Variants in NR6A1 observed in about 807,000 individuals in gnomAD.
NR6A1 encodes retinoic acid receptor-related testis-associated receptor.
Under a neutral mutation model 59.1 loss-of-function variants are expected in NR6A1, and 7 were observed. The observed-to-expected ratio is 0.12, with a 90% CI of 0.07 to 0.22. The LOEUF (loss-of-function observed/expected upper bound fraction) is 0.22. Ranked by LOEUF, NR6A1 falls within the 10% of genes least tolerant of loss-of-function variation. NR6A1 has a pLI of 1.00. For missense variants in NR6A1, 468 were observed against 611.6 expected (o/e 0.77, Z 2.48); for synonymous variants, 243 against 236.1 (o/e 1.03, Z -0.27).
At chr9:124,553,952 G>T (rs1363576029) in intron 3 of NR6A1, among the ~76,000 whole-genome samples, 1 of 152,008 alleles carries the variant, frequency 6.6e-6, no homozygotes, top group South Asian at 2.1e-4. Flanking sequence ...AGTACACCGT[G>T]GTTCTAGCAA....
At chr9:124,759,244 G>A (rs776637931) in intron 1 of NR6A1, among the ~76,000 whole-genome samples, 2 of 152,154 alleles carry the variant, frequency 1.3e-5, no homozygotes, top group African/African-American at 2.4e-5. Context: ...AAAGGTACAT[G>A]GGACAAAGGC....
chr9:124,569,414 C>T (rs149049211), intron 2 of NR6A1, among the ~76,000 whole-genome samples: 3 of 152,172 alleles, frequency 2.0e-5, no homozygotes, highest in South Asian at 2.1e-4. Flanking sequence ...GCTCAGGTTA[C>T]GCAAATTACA....
intron 2 of NR6A1, among the ~76,000 whole-genome samples, chr9:124,706,146 T>C (rs2131060234): frequency 6.6e-6 from 1 of 152,310 alleles, no homozygotes; most frequent in South Asian, 2.1e-4. Context: ...ACAACATGCA[T>C]CTTTACTTAT....
At chr9:124,579,727 A>G (rs148933913) in intron 2 of NR6A1, among the ~76,000 whole-genome samples, 30 of 152,286 alleles carry the variant, frequency 2.0e-4, no homozygotes, top group African/African-American at 6.5e-4. Flanking sequence ...AAAATTAAAC[A>G]TAGCCGGGCA....
chr9:124,571,431 C>T (rs1463252089), intron 2 of NR6A1, among the ~76,000 whole-genome samples: 2 of 152,184 alleles, frequency 1.3e-5, no homozygotes, highest in African/African-American at 2.4e-5. Flanking sequence ...TTCTGGCTGT[C>T]TGCTCAGCCC....
At chr9:124,744,526 G>C (rs1379481509) in intron 1 of NR6A1, among the ~76,000 whole-genome samples, 1 of 152,184 alleles carries the variant, frequency 6.6e-6, no homozygotes. Context: ...CCTTTGCGCA[G>C]TGCATGTTCT....
intron 2 of NR6A1, among the ~76,000 whole-genome samples, chr9:124,678,294 T>C (rs1373775099): frequency 6.6e-6 from 1 of 152,194 alleles, no homozygotes; most frequent in Non-Finnish European, 1.5e-5. Flanking sequence ...AGAACCCTAA[T>C]CACCACTTTC....
At chr9:124,614,143 G>A (rs923646468) in intron 2 of NR6A1, among the ~76,000 whole-genome samples, 3 of 152,166 alleles carry the variant, frequency 2.0e-5, no homozygotes, top group African/African-American at 7.2e-5. Flanking sequence ...GGGAGTCCAG[G>A]AGGCAGGGCA....
chr9:124,524,889 A>C lies in NR6A1; in HGVS notation c.1202-16T>G. 1 of 1,593,102 alleles carries C rather than the reference A, an allele frequency of 6.3e-7. No homozygotes were observed. Among genetic ancestry groups the C allele is most frequent in the Non-Finnish European group, 8.5e-7 (1 of 1,174,174 alleles). On this transcript the variant is annotated splice_polypyrimidine_tract_variant and intron_variant, in intron 8 of 9. Coordinates refer to ENST00000487099, the MANE Select transcript of NR6A1 (RefSeq NM_033334.4). ...CCCCTGATATCTGTGGAAAAAAAAA[A>C]AACACACACACACATACAGGGAATG...
intron 2 of NR6A1, among the ~76,000 whole-genome samples, chr9:124,702,979 C>T (rs909813237): frequency 6.6e-6 from 1 of 151,668 alleles, no homozygotes; most frequent in Admixed American, 6.6e-5. Context: ...CAGTTCACTG[C>T]ACTCCACCTC....
chr9:124,575,642 T>A (rs1834567880), intron 2 of NR6A1, among the ~76,000 whole-genome samples: 1 of 152,218 alleles, frequency 6.6e-6, no homozygotes, highest in Non-Finnish European at 1.5e-5. Context: ...TTGCTTAATC[T>A]ACATGTCTTA....
chr9:124,533,076 C>T lies in NR6A1; in HGVS notation c.1079+2802G>A, dbSNP rs1175698784. Among the ~76,000 whole-genome samples, 3 of 152,318 alleles carry T rather than the reference C, an allele frequency of 2.0e-5. No individual in the cohort carries two copies. The East Asian group carries it at 5.8e-4, about 29-fold the overall frequency. ...CCAGAGAACCCTGTACTGCCAGTGACCCCTGCCTGCCTGCAGAGGGCCTGG... is the reference window on the plus strand; with the variant it reads ...CCAGAGAACCCTGTACTGCCAGTGATCCCTGCCTGCCTGCAGAGGGCCTGG... On this transcript the variant is annotated intron_variant, in intron 7 of 9. Transcript: ENST00000487099.
intron 2 of NR6A1, among the ~76,000 whole-genome samples, chr9:124,649,929 A>G (rs1837048985): frequency 6.6e-6 from 1 of 152,190 alleles, no homozygotes; most frequent in Admixed American, 6.5e-5. Flanking sequence ...TGGCTATTAT[A>G]AAAAAGACTG....
At chr9:124,544,184 A>G (rs191942670) in intron 3 of NR6A1, among the ~76,000 whole-genome samples, 10 of 152,382 alleles carry the variant, frequency 6.6e-5, no homozygotes, top group African/African-American at 2.2e-4. Context: ...AGGTTTTGAC[A>G]AATTCTAGGG....
At chr9:124,566,838 G>A (rs1380185961) in intron 2 of NR6A1, among the ~76,000 whole-genome samples, 3 of 152,214 alleles carry the variant, frequency 2.0e-5, no homozygotes, top group African/African-American at 4.8e-5. Flanking sequence ...GCCGGGCGCG[G>A]TGGCTCACGC....
chr9:124,612,818 T>TTTCTTTC lies in NR6A1; in HGVS notation c.143-58249_143-58248insGAAAGAA, dbSNP rs541907107. Among the ~76,000 whole-genome samples, 64 of 139,802 alleles carry TTTCTTTC rather than the reference T, an allele frequency of 4.6e-4. 1 individual carries two copies. The South Asian group carries it at 0.013, about 29-fold the overall frequency. 91.7% of individuals were successfully genotyped at this position (139,802 alleles called of 152,430 possible). ...TTTTCTTTCTTTCTTTCTTTCTTTC[T>TTTCTTTC]TTTCTTTCTTTCTTTCACATCTTCC... On this transcript the variant is annotated intron_variant, in intron 2 of 9. Transcript: ENST00000487099.
At chr9:124,563,551 A>G (rs1834141257) in intron 2 of NR6A1, among the ~76,000 whole-genome samples, 1 of 152,238 alleles carries the variant, frequency 6.6e-6, no homozygotes, top group Admixed American at 6.5e-5. Context: ...GAAATGATAC[A>G]GTACAAGATG....
At chr9:124,686,915 G>A (rs1838350419) in intron 2 of NR6A1, among the ~76,000 whole-genome samples, 1 of 151,976 alleles carries the variant, frequency 6.6e-6, no homozygotes, top group African/African-American at 2.4e-5. Context: ...TGTTGCCCAG[G>A]CTGGTCTTGA....
chr9:124,611,211 G>A (rs1835733260), intron 2 of NR6A1, among the ~76,000 whole-genome samples: 1 of 151,356 alleles, frequency 6.6e-6, no homozygotes, highest in Admixed American at 6.6e-5. Context: ...CATTTTGGTT[G>A]AGAATGTATG....
Sources: allele counts gnomAD v4.1 joint callset (sites outside exome capture counted in the v4.1 genomes callset), GRCh38; gene constraint gnomAD v4.1.1; transcripts MANE v1.5; gene names NCBI Gene and HGNC (gene_info 2026-07-23, HGNC 2026-07-21).